The following DLG2 variants were observed in gnomAD, a reference collection of about 807,000 sequenced individuals.
DLG2 encodes the protein disks large homolog 2.
In DLG2, 45 loss-of-function variants were observed where a neutral mutation model predicts 132.5. That is an observed-to-expected ratio of 0.34 (90% CI 0.27 to 0.44). The LOEUF (loss-of-function observed/expected upper bound fraction) is 0.44, where lower values mean the gene tolerates loss of function less well. DLG2 is among the 20% of genes least tolerant of loss of function. The probability of loss-of-function intolerance (pLI) is 1.00; values close to 1 mark genes in which losing one functional copy is unlikely to be tolerated. For missense variants in DLG2, 1,045 were observed against 1,196.9 expected (o/e 0.87, Z 1.87); for synonymous variants, 424 against 419.6 (o/e 1.01, Z -0.13).
chr11:85,466,069 T>C (rs547187803), intron 3 of DLG2, among the ~76,000 whole-genome samples: 1 of 152,364 alleles, frequency 6.6e-6, no homozygotes, highest in Admixed American at 6.5e-5. Flanking sequence ...ATGATGAGCA[T>C]GTTTTCATGT....
At chr11:85,461,739 T>C (rs2092621467) in intron 3 of DLG2, among the ~76,000 whole-genome samples, 1 of 152,196 alleles carries the variant, frequency 6.6e-6, no homozygotes, top group Non-Finnish European at 1.5e-5. Context: ...CAATCTAGCA[T>C]GTAGTGAACT....
chr11:85,017,824 T>G (rs1232287619), intron 6 of DLG2, among the ~76,000 whole-genome samples: 1 of 152,138 alleles, frequency 6.6e-6, no homozygotes, highest in Non-Finnish European at 1.5e-5. Flanking sequence ...TCCTTCTCTC[T>G]CTCCTAGGGT....
intron 7 of DLG2, among the ~76,000 whole-genome samples, chr11:84,423,516 T>C (rs1408159967): frequency 6.6e-6 from 1 of 152,152 alleles, no homozygotes; most frequent in Non-Finnish European, 1.5e-5. Flanking sequence ...AATGGAAATG[T>C]ATAAAATCCC....
chr11:84,114,906 G>A (rs1434429482), intron 9 of DLG2, among the ~76,000 whole-genome samples: 8 of 150,262 alleles, frequency 5.3e-5, no homozygotes, highest in African/African-American at 1.7e-4. Context: ...CTGAGCTCAA[G>A]CCATTCAGCC....
At chr11:83,846,473 A>G (rs994214458) in intron 16 of DLG2, among the ~76,000 whole-genome samples, 12 of 152,182 alleles carry the variant, frequency 7.9e-5, no homozygotes, top group African/African-American at 2.9e-4. Flanking sequence ...CAGCCCCCCA[A>G]GTTTGCCTGC....
chr11:84,354,525 C>T (rs573668500), intron 7 of DLG2, among the ~76,000 whole-genome samples: 3 of 152,148 alleles, frequency 2.0e-5, no homozygotes, highest in Non-Finnish European at 2.9e-5. Flanking sequence ...GAGAAAAATG[C>T]TATTTGCTAA....
intron 15 of DLG2, among the ~76,000 whole-genome samples, chr11:83,882,230 C>T (rs1056346917): frequency 7.2e-5 from 11 of 151,956 alleles, no homozygotes; most frequent in Admixed American, 2.6e-4. Flanking sequence ...TGTGGCCAGA[C>T]GTTGAAAATT....
At chr11:84,318,465 A>G (rs2098381895) in intron 7 of DLG2, among the ~76,000 whole-genome samples, 1 of 152,200 alleles carries the variant, frequency 6.6e-6, no homozygotes, top group Non-Finnish European at 1.5e-5. Context: ...TCTGTAGACC[A>G]TCAGATGCCA....
intron 8 of DLG2, among the ~76,000 whole-genome samples, chr11:84,173,132 A>G (rs908516001): frequency 6.6e-6 from 1 of 152,194 alleles, no homozygotes; most frequent in Non-Finnish European, 1.5e-5. Context: ...GGCTTTTGTA[A>G]CAAAGGAACA....
chr11:84,076,602 A>G (rs1354833833), intron 10 of DLG2, among the ~76,000 whole-genome samples: 1 of 152,124 alleles, frequency 6.6e-6, no homozygotes, highest in Non-Finnish European at 1.5e-5. Context: ...TATCTATGCT[A>G]TTGTCACTAG....
At chr11:84,832,390 AGGACAAACAAAAGCCT>A (rs1417848205) in intron 6 of DLG2, among the ~76,000 whole-genome samples, 1 of 151,716 alleles carries the variant, frequency 6.6e-6, no homozygotes, top group Non-Finnish European at 1.5e-5. Context: ...CTTTTGAAGT[AGGACAAACAAAAGCCT>A]GGTGCTTCTA....
intron 2 of DLG2, among the ~76,000 whole-genome samples, chr11:85,622,567 A>G (rs2081790528): frequency 6.6e-6 from 1 of 152,048 alleles, no homozygotes; most frequent in African/African-American, 2.4e-5. Context: ...ACAACAAAAG[A>G]AGAAAACTTT....
chr11:84,031,965 C>G (rs1216183336), intron 11 of DLG2, among the ~76,000 whole-genome samples: 2 of 152,036 alleles, frequency 1.3e-5, no homozygotes, highest in Admixed American at 6.6e-5. Context: ...ATTGATGTTA[C>G]TATCACAATA....
rs568134897 is a variant in DLG2, at chr11:83,718,678, T to C, written c.1825+68012A>G. Among the ~76,000 whole-genome samples the C allele has an allele frequency of 2.0e-5, 3 of 151,628 alleles. No homozygotes were observed. The East Asian group carries it at 5.8e-4, about 29-fold the overall frequency. On this transcript the variant is annotated intron_variant, in intron 18 of 27. Transcript: ENST00000376104. ...GTAAGTATATTGGCAGGGTGGAAAATAGACTGAGAGGCTGAGAGGGAGGTG... is the reference window on the plus strand; with the variant it reads ...GTAAGTATATTGGCAGGGTGGAAAACAGACTGAGAGGCTGAGAGGGAGGTG...
intron 6 of DLG2, among the ~76,000 whole-genome samples, chr11:84,883,812 T>C (rs1410037821): frequency 6.6e-6 from 1 of 152,106 alleles, no homozygotes; most frequent in Admixed American, 6.6e-5. Context: ...TAAGAAGCAA[T>C]AGGGTGATAC....
intron 6 of DLG2, among the ~76,000 whole-genome samples, chr11:85,060,864 T>C (rs890574481): frequency 6.6e-6 from 1 of 151,668 alleles, no homozygotes; most frequent in Non-Finnish European, 1.5e-5. Context: ...TTTTTCTTTT[T>C]TTGTTGTTTT....
intron 19 of DLG2, among the ~76,000 whole-genome samples, chr11:83,555,983 T>C (rs1243451593): frequency 6.6e-6 from 1 of 152,230 alleles, no homozygotes; most frequent in African/African-American, 2.4e-5. Flanking sequence ...TTGAGATTAC[T>C]AGAGTAACAC....
rs148757266 is a variant in DLG2, at chr11:84,199,968, T to C, written c.574-36457A>G. On this transcript the variant is annotated intron_variant, in intron 8 of 27. Coordinates refer to ENST00000376104, the MANE Select transcript of DLG2 (RefSeq NM_001142699.3). The stretch of plus-strand genomic sequence containing the variant: ...ATGAATTACAAAGAGGATAAATATA[T>C]GGAAAAGTATGCCAAGAAATATTCT... 3.9e-5 allele frequency among the ~76,000 whole-genome samples: 6 copies of C among 151,940 alleles called. No homozygotes were observed. In the East Asian group the frequency reaches 7.7e-4, roughly 20 times the overall value.
chr11:84,547,204 TG>T (rs1280626496), intron 6 of DLG2, among the ~76,000 whole-genome samples: 1 of 152,210 alleles, frequency 6.6e-6, no homozygotes, highest in Non-Finnish European at 1.5e-5. Flanking sequence ...ATTGTTTTAC[TG>T]GAACATTAGA....
Sources: gnomAD v4.1 joint callset for allele counts (sites outside exome capture counted in the v4.1 genomes callset) on GRCh38, gnomAD v4.1.1 for gene constraint, MANE v1.5 for transcripts, NCBI Gene and HGNC (gene_info 2026-07-23, HGNC 2026-07-21) for gene names.